The following IARS1 variants were observed in gnomAD, a reference collection of about 807,000 sequenced individuals.
IARS1 encodes the protein isoleucine--tRNA ligase, cytoplasmic.
In IARS1, 124 loss-of-function variants were observed where a neutral mutation model predicts 168.2. The ratio of observed to expected loss-of-function variants is 0.74; its 90% confidence interval spans 0.64 to 0.86. The LOEUF (loss-of-function observed/expected upper bound fraction) is 0.86. Among genes scored for constraint, IARS1 ranks in the 40% least tolerant of loss-of-function variants. The pLI is 0.00. For synonymous variants in IARS1, 532 were observed against 529.4 expected (o/e 1.00, Z -0.07); for missense variants, 1,452 against 1,515.8 (o/e 0.96, Z 0.70).
rs757853097 is a variant in IARS1 at position 92,247,433 on chromosome 9, A to G, written c.2735T>C (p.Val912Ala). Residue 912 changes from valine (V) to alanine (A), a missense_variant, in exon 26 of 34, where the codon GTG becomes GCG. Transcript: ENST00000443024. ...GKRLKGAFKA[V>A]MTSIKQLSSE... The stretch of plus-strand genomic sequence containing the variant: ...GCTCAACTGCTTGATGGACGTCATC[A>G]CTGCCTTAAAGGCTCCCTTCAGACG... 1 of 1,614,168 alleles carries G rather than the reference A, an allele frequency of 6.2e-7. No individual in the cohort carries two copies. Among genetic ancestry groups the G allele is most frequent in the South Asian group, 1.1e-5 (1 of 91,086 alleles).
intron 33 of IARS1, among the ~76,000 whole-genome samples, chr9:92,213,041 G>C (rs975043466): frequency 1.3e-5 from 2 of 152,052 alleles, no homozygotes; most frequent in Non-Finnish European, 2.9e-5. Context: ...AATAAACCCA[G>C]GGAGGGAAGG....
chr9:92,252,267 A>G (rs913736607), intron 21 of IARS1: 28 of 429,980 alleles, frequency 6.5e-5, no homozygotes, highest in Non-Finnish European at 1.1e-4. Context: ...TTTATGTTAA[A>G]AAAGTATATA....
At chr9:92,244,563 G>A (rs1434030692) in intron 27 of IARS1, among the ~76,000 whole-genome samples, 2 of 152,030 alleles carry the variant, frequency 1.3e-5, no homozygotes, top group African/African-American at 4.8e-5. Flanking sequence ...AGTGTTCCCT[G>A]ACCACTTTTC....
At position 92,256,705 on chromosome 9, in the gene IARS1, A is replaced by G; in HGVS notation, c.2112T>C (p.Ile704=). ...CTGCCATTTCAGTCTCAAAGAAGCC[A>G]ATGAGAGACTGCATGAAGGACAGGA... ...RWILSFMQSL[I]GFFETEMAAY... Residue 704 remains isoleucine, a synonymous_variant, in exon 20 of 34, where the codon ATT becomes ATC. Coordinates refer to ENST00000443024, the MANE Select transcript of IARS1 (RefSeq NM_002161.6). 1 of 1,613,938 alleles carries G rather than the reference A, an allele frequency of 6.2e-7. No individual in the cohort carries two copies. Among genetic ancestry groups the G allele is most frequent in the Non-Finnish European group, 8.5e-7 (1 of 1,179,846 alleles).
intron 30 of IARS1, among the ~76,000 whole-genome samples, chr9:92,233,245 T>G (rs1826987838): frequency 6.6e-6 from 1 of 152,268 alleles, no homozygotes; most frequent in African/African-American, 2.4e-5. Flanking sequence ...TTATCAGTCA[T>G]AATTCTAGTT....
chr9:92,282,786 A>G (rs1834817129), intron 6 of IARS1, among the ~76,000 whole-genome samples: 1 of 151,056 alleles, frequency 6.6e-6, no homozygotes, highest in Admixed American at 6.6e-5. Flanking sequence ...TAAATAAATA[A>G]AAGTTTTAAG....
At chr9:92,246,071 C>G (rs767155798) in intron 26 of IARS1, among the ~76,000 whole-genome samples, 31 of 152,252 alleles carry the variant, frequency 2.0e-4, no homozygotes, top group Non-Finnish European at 3.8e-4. Flanking sequence ...TCACCACCCC[C>G]AGCCATCTCA....
At chr9:92,273,208 G>C (rs1833340852) in intron 10 of IARS1, among the ~76,000 whole-genome samples, 1 of 151,870 alleles carries the variant, frequency 6.6e-6, no homozygotes, top group South Asian at 2.1e-4. Context: ...TAAGAGTGGG[G>C]TAACCATACC....
rs1441695926 is a variant in IARS1, at chr9:92,253,515, G to A, written c.2138-62C>T. 3.8e-6 allele frequency: 4 copies of A among 1,062,292 alleles called. No individual in the cohort carries two copies. The East Asian group carries it at 9.5e-5, about 25-fold the overall frequency. The allele number at this position is 1,062,292 out of a possible 1,614,324, so 65.8% of individuals were successfully genotyped here. ...TTACCAGGCATCTGGGGTGGGGAGA[G>A]GGTTGGATACAACAAAGAAGGGGCA... On this transcript the variant is annotated intron_variant, in intron 20 of 33. Transcript: ENST00000443024.
At position 92,282,866 on chromosome 9, in the gene IARS1, T is replaced by A. The variant is rs1282018693; in HGVS notation, c.598-1973A>T. 2.8e-3 allele frequency among the ~76,000 whole-genome samples: 407 copies of A among 146,978 alleles called. 2 individuals carry two copies. Among genetic ancestry groups the A allele is most frequent in the African/African-American group, 8.4e-3 (337 of 40,006 alleles). On this transcript the variant is annotated intron_variant, in intron 6 of 33. Coordinates refer to ENST00000443024, the MANE Select transcript of IARS1 (RefSeq NM_002161.6). Reference sequence around the variant, plus strand: ...TATATATATATATATATATATTTTTTTTTTTTGAGACAGAGTCTAACTCTG... The same window carrying A: ...TATATATATATATATATATATTTTTATTTTTTGAGACAGAGTCTAACTCTG...
intron 9 of IARS1, among the ~76,000 whole-genome samples, chr9:92,275,077 A>G (rs1430276454): frequency 2.0e-5 from 3 of 152,236 alleles, no homozygotes; most frequent in African/African-American, 7.2e-5. Context: ...CAATATCATC[A>G]TGTTAATACA....
At chr9:92,272,965 A>C (rs528228599) in intron 10 of IARS1, among the ~76,000 whole-genome samples, 34 of 151,954 alleles carry the variant, frequency 2.2e-4, no homozygotes, top group Non-Finnish European at 4.1e-4. Context: ...TTGAGAATAG[A>C]TATATGAGAT....
intron 21 of IARS1, chr9:92,252,479 A>G (rs913946798): frequency 1.9e-5 from 9 of 469,196 alleles, no homozygotes; most frequent in African/African-American, 1.6e-4. Flanking sequence ...CTTTTAAGAC[A>G]TGACTGGCCA....
At chr9:92,240,151 A>G (rs961386646) in intron 30 of IARS1, 1 of 153,496 alleles carries the variant, frequency 6.5e-6, no homozygotes, top group African/African-American at 2.4e-5. Context: ...TTGTTTTTAC[A>G]TGTAATATCC....
Position 92,240,925 on chromosome 9 carries a change from C to T in IARS1, c.3214G>A (p.Gly1072Arg). The change falls in exon 30 of 34, where the codon GGA becomes AGA. Residue 1072 changes from glycine to arginine, a missense_variant. Gly to Arg is a moderately radical substitution (Grantham distance 125, BLOSUM62 -2). Transcript: ENST00000443024. ...CAAGCAGGACCAGGAAGGGAAGATC[C>T]TCTGGTGAGTGTAATTTCCAGTTCA... Reference protein sequence around the residue: ...GSELEITLTRGSSLPGPACAY... With the variant: ...GSELEITLTRRSSLPGPACAY... 1 of 1,613,290 alleles carries T rather than the reference C, an allele frequency of 6.2e-7. No homozygotes were observed. Among genetic ancestry groups the T allele is most frequent in the Non-Finnish European group, 8.5e-7 (1 of 1,179,396 alleles).
At chr9:92,278,122 G>C (rs2133923263) in intron 8 of IARS1, 77 bp downstream of exon 8, 8 of 1,157,816 alleles carry the variant, frequency 6.9e-6, no homozygotes, top group Admixed American at 1.8e-5. Flanking sequence ...GGATAACAAA[G>C]TTTATTTCTT....
At chr9:92,260,057 C>T (rs1209963073) in intron 18 of IARS1, 94 bp downstream of exon 18, 2 of 878,968 alleles carry the variant, frequency 2.3e-6, no homozygotes, top group Non-Finnish European at 1.9e-6. Context: ...AAAAACCTAA[C>T]TATAAACCAA....
At chr9:92,252,342 A>G (rs375537883) in intron 21 of IARS1, 58 of 508,362 alleles carry the variant, frequency 1.1e-4, no homozygotes, top group Admixed American at 1.8e-4. Context: ...TCCTACAATC[A>G]TAATTAATTT....
intron 26 of IARS1, among the ~76,000 whole-genome samples, chr9:92,245,772 T>G (rs1035125655): frequency 1.3e-5 from 2 of 152,002 alleles, no homozygotes; most frequent in African/African-American, 4.8e-5. Flanking sequence ...CCAGGAATTT[T>G]TTTTTTTTTT....
Sources: allele counts gnomAD v4.1 joint callset (sites outside exome capture counted in the v4.1 genomes callset), GRCh38; gene constraint gnomAD v4.1.1; transcripts MANE v1.5; gene names NCBI Gene and HGNC (gene_info 2026-07-23, HGNC 2026-07-21).